KHDRBS3: variants seen among roughly 807,000 people sequenced by gnomAD.
KHDRBS3 encodes KH RNA binding domain containing, signal transduction associated 3.
Under a neutral mutation model 45.6 loss-of-function variants are expected in KHDRBS3, and 23 were observed. The observed-to-expected ratio is 0.50, with a 90% CI of 0.36 to 0.72. The LOEUF (loss-of-function observed/expected upper bound fraction) is 0.72. Ranked by LOEUF, KHDRBS3 falls within the 30% of genes least tolerant of loss-of-function variation. The probability of loss-of-function intolerance (pLI) is 0.00; values close to 1 mark genes in which losing one functional copy is unlikely to be tolerated. For missense variants in KHDRBS3, 352 were observed against 424.8 expected (o/e 0.83, Z 1.51); for synonymous variants, 162 against 156.5 (o/e 1.04, Z -0.26).
At chr8:135,516,065 G>C (rs1330045051) in intron 1 of KHDRBS3, among the ~76,000 whole-genome samples, 1 of 152,184 alleles carries the variant, frequency 6.6e-6, no homozygotes, top group Non-Finnish European at 1.5e-5. Flanking sequence ...GTTGCTGCTA[G>C]GCTACAAACC....
Position 135,457,577 on chromosome 8 carries a change from C to A in KHDRBS3, c.-290C>A. 6.8e-6 allele frequency: 1 copy of A among 146,744 alleles called. No individual in the cohort carries two copies. Among genetic ancestry groups the A allele is most frequent in the South Asian group, 1.9e-4 (1 of 5,130 alleles). 9.1% of individuals were successfully genotyped at this position (146,744 alleles called of 1,614,324 possible). A position where few individuals can be genotyped will look rare whatever the true frequency, so the allele number is the denominator to read the frequency against. On this transcript the variant is annotated 5_prime_UTR_variant, in exon 1 of 9. Transcript: ENST00000355849. This position sits in a 1 kb window ranked among gnomAD's most constrained non-coding sequence, Gnocchi z 4.4. ...CAGGGGCGCCGCAGCCCGCTCGGCC[C>A]GAGGGCCCGCCTAACCGCGCCGCCC...
At chr8:135,620,801 G>C (rs1830106815) in intron 7 of KHDRBS3, among the ~76,000 whole-genome samples, 2 of 152,058 alleles carry the variant, frequency 1.3e-5, no homozygotes, top group South Asian at 2.1e-4. Flanking sequence ...AAGTACTAAG[G>C]CTTCTGTGTT....
chr8:135,548,671 T>C (rs1351210963), intron 3 of KHDRBS3, 83 bp from the exon 4 acceptor site: 1 of 1,093,902 alleles, frequency 9.1e-7, no homozygotes, highest in Non-Finnish European at 1.2e-6. Context: ...TTTTGGGGGT[T>C]AGTTTTTATT....
chr8:135,552,251 G>A (rs1353422831), intron 4 of KHDRBS3, among the ~76,000 whole-genome samples: 3 of 150,974 alleles, frequency 2.0e-5, no homozygotes, highest in Non-Finnish European at 4.4e-5. Context: ...TTCCAGTTAC[G>A]TGTATGTTGA....
chr8:135,516,538 G>A (rs957533518), intron 1 of KHDRBS3, among the ~76,000 whole-genome samples: 2 of 151,220 alleles, frequency 1.3e-5, no homozygotes, highest in Non-Finnish European at 2.9e-5. Context: ...GATGTTTTCT[G>A]TGTGTATATA....
intron 5 of KHDRBS3, among the ~76,000 whole-genome samples, chr8:135,563,304 C>T (rs1349705794): frequency 1.3e-5 from 2 of 152,192 alleles, no homozygotes; most frequent in African/African-American, 2.4e-5. Flanking sequence ...AGACGAAGCT[C>T]ATTTCTTTCC....
At position 135,616,513 on chromosome 8, in the gene KHDRBS3, G is replaced by A. The variant is rs148824576; in HGVS notation, c.890+9476G>A. On this transcript the variant is annotated intron_variant, in intron 7 of 8. Coordinates refer to ENST00000355849, the MANE Select transcript of KHDRBS3 (RefSeq NM_006558.3). ...ACATGAGATTTATCACTAAGGAATT[G>A]TAGAATAATGGTAGTAAATGAAAAC... 7.3e-4 allele frequency among the ~76,000 whole-genome samples: 111 copies of A among 152,336 alleles called. 1 individual carries two copies. The highest frequency in any genetic ancestry group is 3.4e-3 in the Middle Eastern group (1 of 294).
chr8:135,625,811 G>A, intron 7 of KHDRBS3: 2 of 769,352 alleles, frequency 2.6e-6, no homozygotes, highest in Admixed American at 1.7e-5. Context: ...CTTTCTTCAA[G>A]GCGGTGGAGC....
At chr8:135,548,932 T>A in intron 4 of KHDRBS3, 32 bp downstream of exon 4, 1 of 1,478,612 alleles carries the variant, frequency 6.8e-7, no homozygotes, top group Non-Finnish European at 9.1e-7. Context: ...AGTTAACTTG[T>A]ACTTTAAAGT....
intron 5 of KHDRBS3, among the ~76,000 whole-genome samples, chr8:135,561,506 T>C (rs1827165573): frequency 6.6e-6 from 1 of 151,302 alleles, no homozygotes; most frequent in South Asian, 2.1e-4. Flanking sequence ...TGCTTGGTCC[T>C]TCCCTTGTGT....
chr8:135,519,150 C>T (rs1448990790), intron 1 of KHDRBS3, among the ~76,000 whole-genome samples: 1 of 152,122 alleles, frequency 6.6e-6, no homozygotes, highest in Non-Finnish European at 1.5e-5. Context: ...TTTGCTATTT[C>T]CTTCTCTTAG....
intron 1 of KHDRBS3, among the ~76,000 whole-genome samples, chr8:135,500,136 A>G (rs1266704865): frequency 6.6e-6 from 1 of 152,224 alleles, no homozygotes; most frequent in Non-Finnish European, 1.5e-5. Flanking sequence ...AGCTGCTGAT[A>G]GACTTAGCCC....
chr8:135,576,302 T>C (rs906818973), intron 5 of KHDRBS3, among the ~76,000 whole-genome samples: 1 of 152,258 alleles, frequency 6.6e-6, no homozygotes, highest in Non-Finnish European at 1.5e-5. Flanking sequence ...GGGGAACCCC[T>C]GATTAAGAAG....
At chr8:135,563,582 G>A (rs1827267874) in intron 5 of KHDRBS3, among the ~76,000 whole-genome samples, 1 of 152,210 alleles carries the variant, frequency 6.6e-6, no homozygotes, top group South Asian at 2.1e-4. Context: ...AAAGACCCAT[G>A]TGTCCCTCGT....
intron 1 of KHDRBS3, among the ~76,000 whole-genome samples, chr8:135,509,772 A>G (rs982629031): frequency 2.6e-5 from 4 of 152,178 alleles, no homozygotes; most frequent in Non-Finnish European, 5.9e-5. Context: ...TAATGTGACA[A>G]ATGCTACACT....
intron 3 of KHDRBS3, among the ~76,000 whole-genome samples, chr8:135,544,140 A>C (rs112050515): frequency 2.0e-5 from 3 of 152,176 alleles, no homozygotes; most frequent in African/African-American, 7.2e-5. Flanking sequence ...TTCACGCTCT[A>C]ATAAGGCCAT....
chr8:135,459,095 G>T (rs1341273965), intron 1 of KHDRBS3, among the ~76,000 whole-genome samples: 2 of 152,192 alleles, frequency 1.3e-5, no homozygotes, highest in Non-Finnish European at 2.9e-5. Flanking sequence ...TTCCCTAGAT[G>T]AATCGGATCT....
chr8:135,468,564 G>A (rs549893553), intron 1 of KHDRBS3, among the ~76,000 whole-genome samples: 2 of 152,202 alleles, frequency 1.3e-5, no homozygotes, highest in Non-Finnish European at 2.9e-5. Flanking sequence ...CAGAAAAGCA[G>A]CCACAGACAC....
rs1218269580 is a variant in KHDRBS3, at chr8:135,548,804, T to C, written c.375T>C (p.Asp125=). The change falls in exon 4 of 9, where the codon GAT becomes GAC. Residue 125 remains aspartate, a synonymous_variant. Coordinates refer to ENST00000355849, the MANE Select transcript of KHDRBS3 (RefSeq NM_006558.3). ...AAGCGAAGTACTTCCATCTCAATGA[T>C]GATCTCCATGTTCTCATTGAAGTGT... ...SGEAKYFHLN[D]DLHVLIEVFA... is the part of the protein sequence containing the mutation. 1.3e-5 allele frequency: 20 copies of C among 1,591,996 alleles called. No individual in the cohort carries two copies. The highest frequency in any genetic ancestry group is 2.7e-5 in the African/African-American group (2 of 74,136).
Sources: allele counts gnomAD v4.1 joint callset (sites outside exome capture counted in the v4.1 genomes callset), GRCh38; gene constraint gnomAD v4.1.1; non-coding constraint Gnocchi (gnomAD v3.1); transcripts MANE v1.5; gene names NCBI Gene and HGNC (gene_info 2026-07-23, HGNC 2026-07-21).